Variants in SLIT3 observed in about 807,000 individuals in gnomAD.
SLIT3 encodes the protein slit homolog 3 protein.
In SLIT3, 68 loss-of-function variants were observed where a neutral mutation model predicts 184.0. The ratio of observed to expected loss-of-function variants is 0.37; its 90% CI spans 0.30 to 0.45. The LOEUF is 0.45. Among genes scored for constraint, SLIT3 ranks in the 20% least tolerant of loss-of-function variants. SLIT3 has a pLI of 1.00. For missense variants in SLIT3, 1,707 were observed against 2,026.0 expected, an observed-to-expected ratio of 0.84 and a Z score of 3.02; for synonymous variants, 831 against 828.6, an observed-to-expected ratio of 1.00 and a Z score of -0.05.
intron 3 of SLIT3, among the ~76,000 whole-genome samples, chr5:169,197,040 G>C (rs371155689): frequency 2.6e-5 from 4 of 152,108 alleles, no homozygotes; most frequent in Admixed American, 2.0e-4. Context: ...TAGGGTGTTC[G>C]GTTTGCTGAA....
chr5:169,291,760 C>G (rs1028384139), intron 1 of SLIT3, among the ~76,000 whole-genome samples: 1 of 152,196 alleles, frequency 6.6e-6, no homozygotes, highest in Non-Finnish European at 1.5e-5. Context: ...AGGAGGCTGA[C>G]TTGAAAGATT....
chr5:169,157,166 G>A (rs1220266982), intron 4 of SLIT3, among the ~76,000 whole-genome samples: 2 of 152,114 alleles, frequency 1.3e-5, no homozygotes, highest in African/African-American at 4.8e-5. Flanking sequence ...TAGTGATGAA[G>A]TCCCTCCATA....
At chr5:168,848,668 C>T (rs1287353625) in intron 5 of SLIT3, among the ~76,000 whole-genome samples, 3 of 152,018 alleles carry the variant, frequency 2.0e-5, no homozygotes, top group Non-Finnish European at 4.4e-5. Flanking sequence ...AGGAATCCTC[C>T]GACAAGCACT....
intron 4 of SLIT3, among the ~76,000 whole-genome samples, chr5:169,169,036 G>T (rs1196497617): frequency 1.1e-5 from 1 of 92,366 alleles, no homozygotes; most frequent in African/African-American, 2.9e-5. Flanking sequence ...TCAGCCCAGA[G>T]TGGGGGGGGG....
chr5:168,802,679 C>CT lies in SLIT3; in HGVS notation c.935+3766dup, dbSNP rs1756811287. Reference sequence around the variant, plus strand: ...AACTGACCTATGTTTACGGAGGGATCTTTTGTGTAGGTAGCTCCAGCTCCT... The same window carrying CT: ...AACTGACCTATGTTTACGGAGGGATCTTTTTGTGTAGGTAGCTCCAGCTCCT... On this transcript the variant is annotated intron_variant, in intron 9 of 35. Coordinates refer to ENST00000519560, the MANE Select transcript of SLIT3 (RefSeq NM_003062.4). 3.3e-5 allele frequency among the ~76,000 whole-genome samples: 5 copies of CT among 152,298 alleles called. No individual in the cohort carries two copies. The South Asian group carries it at 1.0e-3, about 32-fold the overall frequency.
chr5:169,221,936 C>T (rs139380844), intron 3 of SLIT3, among the ~76,000 whole-genome samples: 6 of 152,180 alleles, frequency 3.9e-5, no homozygotes, highest in East Asian at 3.9e-4. Context: ...TTAATGACAC[C>T]GGGAAATACA....
At chr5:168,707,330 C>A in intron 26 of SLIT3, 1 of 153,428 alleles carries the variant, frequency 6.5e-6, no homozygotes, top group Non-Finnish European at 1.5e-5. Flanking sequence ...TGGTGAGAGG[C>A]ACATGGTCGA....
At position 168,780,844 on chromosome 5, in the gene SLIT3, C is replaced by T. The variant is rs183481902; in HGVS notation, c.1151+5063G>A. On this transcript the variant is annotated intron_variant, in intron 12 of 35. Coordinates refer to ENST00000519560, the MANE Select transcript of SLIT3 (RefSeq NM_003062.4). ...TATAAAATATGGGGATTAATTTAGA[C>T]CTTCAGCAACCTACTGAGGCTGGAT... Among the ~76,000 whole-genome samples the T allele has an allele frequency of 5.3e-5, 8 of 152,328 alleles. 1 individual carries two copies. The East Asian group carries it at 1.3e-3, about 26-fold the overall frequency.
intron 14 of SLIT3, among the ~76,000 whole-genome samples, chr5:168,770,119 C>G (rs930309362): frequency 1.7e-4 from 26 of 152,266 alleles, no homozygotes; most frequent in African/African-American, 6.0e-4. Flanking sequence ...GCTTGGGGTC[C>G]CAGGCAGCCA....
At chr5:169,113,787 C>A (rs892662453) in intron 4 of SLIT3, among the ~76,000 whole-genome samples, 1 of 151,630 alleles carries the variant, frequency 6.6e-6, no homozygotes, top group African/African-American at 2.4e-5. Flanking sequence ...TCCCAAGTAG[C>A]TGGGATTACT....
At chr5:168,975,004 G>A (rs1754699742) in intron 4 of SLIT3, among the ~76,000 whole-genome samples, 1 of 152,084 alleles carries the variant, frequency 6.6e-6, no homozygotes, top group Non-Finnish European at 1.5e-5. Flanking sequence ...TCCCAAGATC[G>A]ACCACACATA....
intron 5 of SLIT3, among the ~76,000 whole-genome samples, chr5:168,877,345 A>G (rs1403507684): frequency 6.6e-6 from 1 of 152,112 alleles, no homozygotes; most frequent in Non-Finnish European, 1.5e-5. Context: ...AGGGAGCAGC[A>G]AGTGCAAAGG....
At chr5:168,946,663 C>G (rs1292664988) in intron 4 of SLIT3, among the ~76,000 whole-genome samples, 1 of 152,200 alleles carries the variant, frequency 6.6e-6, no homozygotes, top group Non-Finnish European at 1.5e-5. Flanking sequence ...GGACAGGCAT[C>G]TGGGGGCTTG....
intron 6 of SLIT3, among the ~76,000 whole-genome samples, chr5:168,828,664 A>AAAAAAAAAAAAAAAAAAAAAAAG: frequency 6.6e-6 from 1 of 150,480 alleles, no homozygotes; most frequent in Non-Finnish European, 1.5e-5. Flanking sequence ...GACTCAAAAA[A>AAAAAAAAAAAAAAAAAAAAAAAG]AAAAAAGAAA....
chr5:169,032,271 CA>C (rs1757054790), intron 4 of SLIT3, among the ~76,000 whole-genome samples: 1 of 152,080 alleles, frequency 6.6e-6, no homozygotes, highest in East Asian at 1.9e-4. Context: ...TATGAAAGAA[CA>C]TTTTTTTTAT....
intron 10 of SLIT3, chr5:168,791,899 C>T (rs964437254): frequency 3.9e-5 from 6 of 152,236 alleles, no homozygotes; most frequent in African/African-American, 1.2e-4. Flanking sequence ...ATCTCTACCC[C>T]ACCCTCACCC....
At chr5:169,024,181 A>G (rs1471146646) in intron 4 of SLIT3, 1 of 152,236 alleles carries the variant, frequency 6.6e-6, no homozygotes, top group Admixed American at 6.5e-5. Flanking sequence ...TGAACACAGT[A>G]CCGGAACTCA....
At chr5:169,143,812 A>C (rs1761830799) in intron 4 of SLIT3, among the ~76,000 whole-genome samples, 1 of 152,142 alleles carries the variant, frequency 6.6e-6, no homozygotes, top group Admixed American at 6.5e-5. Flanking sequence ...AACAACAAAA[A>C]CAGTATGTAT....
intron 10 of SLIT3, among the ~76,000 whole-genome samples, chr5:168,794,248 G>T (rs1216441758): frequency 6.6e-6 from 1 of 152,184 alleles, no homozygotes; most frequent in East Asian, 1.9e-4. Flanking sequence ...GGAGGGTGAG[G>T]TGTGGGGGGA....
Sources: allele counts gnomAD v4.1 joint callset (sites outside exome capture counted in the v4.1 genomes callset), GRCh38; gene constraint gnomAD v4.1.1; transcripts MANE v1.5; gene names NCBI Gene and HGNC (gene_info 2026-07-23, HGNC 2026-07-21).